REC114: variants seen among roughly 807,000 people sequenced by gnomAD.
The protein encoded by REC114 is meiotic recombination protein REC114.
REC114 carries 27 observed loss-of-function variants against 31.3 expected under a neutral mutation model. The observed-to-expected ratio is 0.86, with a 90% confidence interval of 0.64 to 1.19. REC114 has a LOEUF of 1.19. Ranked by LOEUF, REC114 falls within the 50% of genes most tolerant of loss-of-function variation. REC114 has a pLI of 0.00. For synonymous variants in REC114, 134 were observed against 127.7 expected, an observed-to-expected ratio of 1.05 and a Z score of -0.33; for missense variants, 344 against 326.9, an observed-to-expected ratio of 1.05 and a Z score of -0.40.
chr15:73,543,150 GGTAAT>G (rs1453516199), intron 3 of REC114, among the ~76,000 whole-genome samples: 2 of 151,906 alleles, frequency 1.3e-5, no homozygotes, highest in Admixed American at 1.3e-4. Context: ...TGATGAGAAT[GGTAAT>G]GTAACATTTG....
intron 2 of REC114, among the ~76,000 whole-genome samples, chr15:73,497,659 T>C (rs994729528): frequency 6.6e-6 from 1 of 152,242 alleles, no homozygotes; most frequent in African/African-American, 2.4e-5. Flanking sequence ...TTGTAAACTA[T>C]AGAATGTGAT....
intron 2 of REC114, among the ~76,000 whole-genome samples, chr15:73,528,320 G>A (rs1894032954): frequency 6.6e-6 from 1 of 152,092 alleles, no homozygotes; most frequent in African/African-American, 2.4e-5. Flanking sequence ...ATTATCAATG[G>A]CTGCTAATAT....
chr15:73,473,263 C>G (rs1893158744), intron 1 of REC114, among the ~76,000 whole-genome samples: 3 of 152,140 alleles, frequency 2.0e-5, no homozygotes, highest in Admixed American at 2.0e-4. Flanking sequence ...GTGGCGCATG[C>G]CTGTAATCCC....
intron 1 of REC114, among the ~76,000 whole-genome samples, chr15:73,455,536 C>A (rs746142974): frequency 2.6e-5 from 4 of 152,022 alleles, no homozygotes. Flanking sequence ...AATAGTACAA[C>A]AAGACTCCTA....
At position 73,544,841 on chromosome 15, in the gene REC114, G is replaced by T. The variant is rs540182306; in HGVS notation, c.333+4273G>T. 3.9e-5 allele frequency among the ~76,000 whole-genome samples: 6 copies of T among 152,314 alleles called. No homozygotes were observed. In the East Asian group the frequency reaches 1.2e-3, roughly 29 times the overall value. ...GCGGTGGGGAAAACTGCTTCAGTTG[G>T]GGTCTTAGTGGTAATGGAAAATTTC... is the stretch of plus-strand genomic sequence containing the variant. On this transcript the variant is annotated intron_variant, in intron 3 of 5. Transcript: ENST00000331090.
intron 2 of REC114, among the ~76,000 whole-genome samples, chr15:73,513,820 G>C (rs1465210221): frequency 6.6e-6 from 1 of 151,356 alleles, no homozygotes; most frequent in Non-Finnish European, 1.5e-5. Flanking sequence ...CTCCAGCTGC[G>C]TGCTGGGAGA....
chr15:73,508,084 T>C (rs1486764713), intron 2 of REC114, among the ~76,000 whole-genome samples: 1 of 152,170 alleles, frequency 6.6e-6, no homozygotes, highest in Non-Finnish European at 1.5e-5. Context: ...TGGTTGTTCT[T>C]CTTGTTTTCT....
At chr15:73,451,777 T>C (rs1892853007) in intron 1 of REC114, among the ~76,000 whole-genome samples, 1 of 152,152 alleles carries the variant, frequency 6.6e-6, no homozygotes, top group African/African-American at 2.4e-5. Flanking sequence ...TCAAAAAGCT[T>C]ATCCACCACG....
chr15:73,552,931 C>T (rs1256080142), intron 4 of REC114, among the ~76,000 whole-genome samples: 1 of 152,196 alleles, frequency 6.6e-6, no homozygotes, highest in Non-Finnish European at 1.5e-5. Flanking sequence ...TCTCCTGCCT[C>T]AGCCTCCCGA....
chr15:73,493,429 A>G (rs190278125), intron 2 of REC114, among the ~76,000 whole-genome samples: 68 of 152,284 alleles, frequency 4.5e-4, no homozygotes, highest in Admixed American at 1.8e-3. Flanking sequence ...TTTCAAAACT[A>G]TGCCCTTTTC....
intron 3 of REC114, among the ~76,000 whole-genome samples, chr15:73,543,879 G>A (rs1292907424): frequency 2.7e-5 from 4 of 149,748 alleles, no homozygotes; most frequent in African/African-American, 7.4e-5. Flanking sequence ...TATCTTTGAC[G>A]TCTTCCTGAC....
At chr15:73,557,513 G>A (rs774160396) in intron 5 of REC114, among the ~76,000 whole-genome samples, 4 of 151,790 alleles carry the variant, frequency 2.6e-5, no homozygotes, top group Non-Finnish European at 5.9e-5. Flanking sequence ...AACTCAAGAG[G>A]TAGGAAGACT....
At chr15:73,453,635 T>C (rs527988000) in intron 1 of REC114, among the ~76,000 whole-genome samples, 1 of 152,236 alleles carries the variant, frequency 6.6e-6, no homozygotes. Context: ...ACCCAAAGGA[T>C]TATAAATCAT....
intron 2 of REC114, among the ~76,000 whole-genome samples, chr15:73,524,586 G>A (rs545788583): frequency 1.3e-5 from 2 of 152,202 alleles, no homozygotes; most frequent in Admixed American, 1.3e-4. Flanking sequence ...GACAAGAACG[G>A]AGGTTTCTTT....
At chr15:73,460,684 G>A (rs1308195531) in intron 1 of REC114, among the ~76,000 whole-genome samples, 4 of 145,640 alleles carry the variant, frequency 2.7e-5, no homozygotes. Context: ...GGTATAGTTA[G>A]TGATTTTATC....
chr15:73,549,399 AAAAG>A (rs1464258737), intron 3 of REC114, among the ~76,000 whole-genome samples: 2 of 152,190 alleles, frequency 1.3e-5, no homozygotes, highest in African/African-American at 2.4e-5. Context: ...TGGGTCCAAA[AAAAG>A]AAAGAATGAA....
chr15:73,486,178 A>T (rs1412195167), intron 2 of REC114, among the ~76,000 whole-genome samples: 1 of 151,918 alleles, frequency 6.6e-6, no homozygotes, highest in South Asian at 2.1e-4. Context: ...GCTCACTGCA[A>T]CCTCCATCTC....
chr15:73,479,466 C>T lies in REC114; in HGVS notation c.249+5545C>T, dbSNP rs991025740. ...TGAGAATATTTAAGATCTATTCTAGCAGATTTCAAATATACAATATAGTGC... is the reference window on the plus strand; with the variant it reads ...TGAGAATATTTAAGATCTATTCTAGTAGATTTCAAATATACAATATAGTGC... On this transcript the variant is annotated intron_variant, in intron 2 of 5. Transcript: ENST00000331090. Among the ~76,000 whole-genome samples the T allele has an allele frequency of 9.2e-5, 14 of 152,072 alleles. No homozygotes were observed. In the East Asian group the frequency reaches 2.7e-3, roughly 29 times the overall value.
At chr15:73,542,330 CAAAAAAAAAAAAAGA>C (rs1277202205) in intron 3 of REC114, among the ~76,000 whole-genome samples, 1 of 49,858 alleles carries the variant, frequency 2.0e-5, no homozygotes, top group Non-Finnish European at 4.4e-5. Flanking sequence ...GACTCTGTCT[CAAAAAAAAAAAAAGA>C]AAAAAAAAAA....
Sources: allele counts gnomAD v4.1 joint callset (sites outside exome capture counted in the v4.1 genomes callset), GRCh38; gene constraint gnomAD v4.1.1; transcripts MANE v1.5; gene names NCBI Gene and HGNC (gene_info 2026-07-23, HGNC 2026-07-21).